Variants in CRB1 observed in about 807,000 individuals in gnomAD.
The protein encoded by CRB1 is protein crumbs homolog 1.
A neutral mutation model predicts 120.0 loss-of-function variants in CRB1; 83 were observed. That is an observed-to-expected ratio of 0.69 (90% CI 0.58 to 0.83). The LOEUF (loss-of-function observed/expected upper bound fraction) is 0.83, where lower values mean the gene tolerates loss of function less well. Among genes scored for constraint, CRB1 ranks in the 40% least tolerant of loss-of-function variants. CRB1 has a pLI of 0.00. For missense variants in CRB1, 1,699 were observed against 1,687.6 expected, an observed-to-expected ratio of 1.01 and a Z score of -0.12; for synonymous variants, 625 against 612.5, an observed-to-expected ratio of 1.02 and a Z score of -0.30.
rs2125472215 is a variant in CRB1, at chr1:197,421,970, G to A, written c.2128+14G>A. ...ACTGTCTGAGAGGTGAGAGAAAGCT[G>A]AGTGCTATGGCTAGGAGTGCCATGC... On this transcript the variant is annotated intron_variant, in intron 6 of 11. Transcript: ENST00000367400. 6.2e-7 allele frequency: 1 copy of A among 1,611,848 alleles called. No homozygotes were observed. Among genetic ancestry groups the A allele is most frequent in the Non-Finnish European group, 8.5e-7 (1 of 1,179,490 alleles).
intron 11 of CRB1, among the ~76,000 whole-genome samples, chr1:197,466,618 A>G (rs1032000075): frequency 6.6e-6 from 1 of 152,184 alleles, no homozygotes. Context: ...TTAAGTCAAC[A>G]CAAACCAATA....
chr1:197,291,099 C>G (rs1656151037), intron 1 of CRB1, among the ~76,000 whole-genome samples: 2 of 151,672 alleles, frequency 1.3e-5, no homozygotes, highest in Non-Finnish European at 2.9e-5. Flanking sequence ...GTAATAAGTA[C>G]TAAAAATAAT....
chr1:197,423,682 A>G (rs1664444305), intron 6 of CRB1, among the ~76,000 whole-genome samples: 1 of 152,144 alleles, frequency 6.6e-6, no homozygotes. Context: ...GAGACATACT[A>G]AAAAGCACAA....
At chr1:197,477,583 A>G in intron 11 of CRB1, 81 bp from the exon 12 acceptor site, 3 of 1,358,982 alleles carry the variant, frequency 2.2e-6, no homozygotes, top group Non-Finnish European at 2.1e-6. Flanking sequence ...GTTGGTCTTC[A>G]TTCCTGAGTA....
At chr1:197,398,309 T>C (rs765463547) in intron 5 of CRB1, among the ~76,000 whole-genome samples, 4 of 152,188 alleles carry the variant, frequency 2.6e-5, no homozygotes, top group Non-Finnish European at 4.4e-5. Flanking sequence ...ACCTTTCTCA[T>C]TTTCTATTTA....
At chr1:197,425,639 C>G (rs748451220) in intron 6 of CRB1, among the ~76,000 whole-genome samples, 1 of 152,098 alleles carries the variant, frequency 6.6e-6, no homozygotes, top group Admixed American at 6.6e-5. Context: ...TTTCTCAATA[C>G]CAGTTAACAC....
intron 6 of CRB1, among the ~76,000 whole-genome samples, chr1:197,422,165 C>G (rs1306791038): frequency 6.6e-6 from 1 of 152,172 alleles, no homozygotes; most frequent in East Asian, 1.9e-4. Context: ...ATCAGTTTCA[C>G]TCATACAGAG....
chr1:197,359,216 C>T (rs2125358753), intron 5 of CRB1, among the ~76,000 whole-genome samples: 1 of 152,210 alleles, frequency 6.6e-6, no homozygotes, highest in East Asian at 1.9e-4. Flanking sequence ...ACAAGGATGC[C>T]ACCTCTCTCC....
At chr1:197,251,467 A>G in the CRB1 span, among the ~76,000 whole-genome samples, 1 of 151,998 alleles carries the variant, frequency 6.6e-6, no homozygotes, top group Non-Finnish European at 1.5e-5. Flanking sequence ...TACAGTTGGT[A>G]ATTATTAAAT....
intron 11 of CRB1, among the ~76,000 whole-genome samples, chr1:197,477,191 C>T (rs566260597): frequency 1.7e-3 from 259 of 152,312 alleles, no homozygotes; most frequent in Non-Finnish European, 3.0e-3. Context: ...AAGAATTTTT[C>T]CCACAAGACC....
At chr1:197,378,195 C>T (rs1661748263) in intron 5 of CRB1, among the ~76,000 whole-genome samples, 1 of 152,206 alleles carries the variant, frequency 6.6e-6, no homozygotes, top group Non-Finnish European at 1.5e-5. Flanking sequence ...ATTTTTGGCA[C>T]ATGCGAAACC....
chr1:197,405,039 G>GCCCTTT (rs1663270984), intron 5 of CRB1, among the ~76,000 whole-genome samples: 1 of 143,392 alleles, frequency 7.0e-6, no homozygotes, highest in Non-Finnish European at 1.6e-5. Context: ...TAATGTGCTC[G>GCCCTTT]CCCTCGCCCT....
chr1:197,471,581 A>T (rs1666979904), intron 11 of CRB1, among the ~76,000 whole-genome samples: 1 of 152,018 alleles, frequency 6.6e-6, no homozygotes, highest in Admixed American at 6.6e-5. Flanking sequence ...TCACATTCCT[A>T]AGCCTTTTAT....
At chr1:197,352,601 G>A (rs1249480118) in intron 4 of CRB1, among the ~76,000 whole-genome samples, 1 of 151,664 alleles carries the variant, frequency 6.6e-6, no homozygotes, top group Non-Finnish European at 1.5e-5. Flanking sequence ...AGACATTCAA[G>A]TTTAAGAGAC....
chr1:197,282,667 A>G (rs1278271580), intron 1 of CRB1, among the ~76,000 whole-genome samples: 1 of 151,868 alleles, frequency 6.6e-6, no homozygotes, highest in Non-Finnish European at 1.5e-5. Flanking sequence ...ACGCACACAT[A>G]TACACACATA....
In CRB1 at chr1:197,478,248, T is replaced by C. The variant is rs980989266; in HGVS notation, c.*369T>C. On this transcript the variant is annotated 3_prime_UTR_variant, in exon 12 of 12. Coordinates refer to ENST00000367400, the MANE Select transcript of CRB1 (RefSeq NM_201253.3). ...AGGTTTCTGTACTTTCTGTAGTTTC[T>C]GTGTAAACTGCCATATGTTTACATG... The C allele has an allele frequency of 2.6e-5, 8 of 303,494 alleles. No individual in the cohort carries two copies. Among genetic ancestry groups the C allele is most frequent in the South Asian group, 1.9e-4 (6 of 31,546 alleles). The allele number at this position is 303,494 out of a possible 1,614,324, so 18.8% of individuals were successfully genotyped here. A position where few individuals can be genotyped will look rare whatever the true frequency, so the allele number is the denominator to read the frequency against.
chr1:197,338,032 T>C (rs921727047), intron 2 of CRB1, among the ~76,000 whole-genome samples: 5 of 151,934 alleles, frequency 3.3e-5, no homozygotes, highest in African/African-American at 1.2e-4. Context: ...TAACATAAAA[T>C]GAGAATGTTG....
At chr1:197,339,434 A>G (rs933454756) in intron 2 of CRB1, among the ~76,000 whole-genome samples, 1 of 152,250 alleles carries the variant, frequency 6.6e-6, no homozygotes, top group African/African-American at 2.4e-5. Context: ...AATAGCATAC[A>G]TAATTATTAT....
At position 197,435,102 on chromosome 1, in the gene CRB1, T is replaced by C. The variant is rs770192349; in HGVS notation, c.3239T>C (p.Ile1080Thr). The C allele has an allele frequency of 6.2e-7, 1 of 1,613,884 alleles. No individual in the cohort carries two copies. The highest frequency in any genetic ancestry group is 8.5e-7 in the Non-Finnish European group (1 of 1,179,872). Residue 1080 changes from isoleucine (I) to threonine (T), a missense_variant, in exon 9 of 12, where the codon ATT (isoleucine) becomes ACT (threonine). By Grantham distance (89) the Ile-to-Thr change is moderately conservative (BLOSUM62 -1). Transcript: ENST00000367400. ...AACTTTTTGAAGGATAATACAGATA[T>C]TTATGTGGGAGACAGAGCTATTGAC... Reference protein sequence around the residue: ...SLNFLKDNTDIYVGDRAIDNI... With the variant: ...SLNFLKDNTDTYVGDRAIDNI...
Sources: gnomAD v4.1 joint callset for allele counts (sites outside exome capture counted in the v4.1 genomes callset) on GRCh38, gnomAD v4.1.1 for gene constraint, MANE v1.5 for transcripts, NCBI Gene and HGNC (gene_info 2026-07-23, HGNC 2026-07-21) for gene names.